NTRK3: variants seen among roughly 807,000 people sequenced by gnomAD.
NTRK3 encodes neurotrophic receptor tyrosine kinase 3.
NTRK3 carries 24 observed loss-of-function variants against 91.7 expected under a neutral mutation model. The observed-to-expected ratio is 0.26, with a 90% CI of 0.19 to 0.37. The LOEUF is 0.37. Among genes scored for constraint, NTRK3 ranks in the 10% least tolerant of loss-of-function variants. The pLI is 1.00. For missense variants in NTRK3, 880 were observed against 1,068.9 expected (o/e 0.82, Z 2.46); for synonymous variants, 483 against 404.0 (o/e 1.20, Z -2.34).
intron 13 of NTRK3, among the ~76,000 whole-genome samples, chr15:88,118,361 A>C (rs769333848): frequency 1.8e-4 from 28 of 152,308 alleles, no homozygotes; most frequent in South Asian, 8.3e-4. Flanking sequence ...AGAGAGAAAG[A>C]ATGTTCCATG....
At chr15:88,185,878 T>A (rs1455488984) in intron 3 of NTRK3, among the ~76,000 whole-genome samples, 1 of 152,134 alleles carries the variant, frequency 6.6e-6, no homozygotes, top group Non-Finnish European at 1.5e-5. Flanking sequence ...GAGAACCTGT[T>A]TTGTACCACA....
chr15:88,100,500 T>A (rs2050061001), intron 13 of NTRK3, among the ~76,000 whole-genome samples: 1 of 152,176 alleles, frequency 6.6e-6, no homozygotes, highest in African/African-American at 2.4e-5. Context: ...CTTCTGTGAA[T>A]TCAAGCAAGC....
At chr15:88,222,636 C>T (rs1029982490) in intron 3 of NTRK3, among the ~76,000 whole-genome samples, 2 of 152,154 alleles carry the variant, frequency 1.3e-5, no homozygotes, top group Admixed American at 6.5e-5. Flanking sequence ...CAAAGACTTG[C>T]CCAAGAAGTT....
chr15:88,153,456 T>C (rs1159236716), intron 5 of NTRK3, among the ~76,000 whole-genome samples: 1 of 152,086 alleles, frequency 6.6e-6, no homozygotes, highest in East Asian at 1.9e-4. Context: ...GGTTTCTCCA[T>C]GTTGGTCAGG....
chr15:88,071,935 T>A (rs1268961337), intron 13 of NTRK3, among the ~76,000 whole-genome samples: 1 of 151,886 alleles, frequency 6.6e-6, no homozygotes, highest in East Asian at 1.9e-4. Flanking sequence ...AGTAACACAG[T>A]CCATGGAGAA....
intron 14 of NTRK3, among the ~76,000 whole-genome samples, chr15:87,961,020 T>C (rs2072228307): frequency 1.3e-5 from 2 of 148,670 alleles, no homozygotes; most frequent in Admixed American, 1.4e-4. Flanking sequence ...TGCTTTTTCC[T>C]AGTCCTCATT....
intron 14 of NTRK3, among the ~76,000 whole-genome samples, chr15:88,011,955 AACAC>A (rs1450471086): frequency 6.6e-6 from 1 of 152,154 alleles, no homozygotes; most frequent in Non-Finnish European, 1.5e-5. Flanking sequence ...TACCTCATTT[AACAC>A]ACACGAAGAC....
At chr15:88,070,598 C>A (rs904020259) in intron 13 of NTRK3, among the ~76,000 whole-genome samples, 10 of 152,092 alleles carry the variant, frequency 6.6e-5, no homozygotes, top group African/African-American at 2.2e-4. Context: ...CTCCCATTCC[C>A]AGATCCACTC....
At chr15:87,978,905 G>A in intron 14 of NTRK3, 1 of 307,478 alleles carries the variant, frequency 3.3e-6, no homozygotes. Context: ...AGGACAGCAT[G>A]GTATCCTGGG....
chr15:88,206,762 C>T (rs1200196620), intron 3 of NTRK3, among the ~76,000 whole-genome samples: 1 of 151,978 alleles, frequency 6.6e-6, no homozygotes, highest in South Asian at 2.1e-4. Context: ...GGGGCCGGGT[C>T]TTTCCTGGCT....
chr15:87,895,881 C>T (rs1160972391), intron 17 of NTRK3, among the ~76,000 whole-genome samples: 5 of 151,474 alleles, frequency 3.3e-5, no homozygotes, highest in Non-Finnish European at 7.4e-5. Flanking sequence ...TTAACCTGAA[C>T]ATTCCTTCCC....
intron 17 of NTRK3, among the ~76,000 whole-genome samples, chr15:87,894,728 G>T (rs200296463): frequency 6.6e-6 from 1 of 152,084 alleles, no homozygotes; most frequent in Non-Finnish European, 1.5e-5. Flanking sequence ...TGTCTCAATA[G>T]TTCCTTCCCC....
chr15:88,131,827 C>G (rs764241194), intron 10 of NTRK3: 19 of 181,370 alleles, frequency 1.0e-4, no homozygotes, highest in Admixed American at 4.4e-4. Flanking sequence ...TGACTCCTCT[C>G]TAACCTGTGG....
At chr15:88,181,582 G>T (rs148693588) in intron 5 of NTRK3, among the ~76,000 whole-genome samples, 4 of 152,156 alleles carry the variant, frequency 2.6e-5, no homozygotes, top group Admixed American at 1.3e-4. Context: ...GGTTTGTCTC[G>T]CATCAACAGC....
intron 13 of NTRK3, among the ~76,000 whole-genome samples, chr15:88,033,635 C>T (rs983036199): frequency 2.0e-5 from 3 of 151,934 alleles, no homozygotes; most frequent in African/African-American, 7.3e-5. Flanking sequence ...TAGCAAAATC[C>T]ACTGGAAGCG....
intron 5 of NTRK3, among the ~76,000 whole-genome samples, chr15:88,156,441 C>T (rs1469236710): frequency 6.6e-6 from 1 of 152,170 alleles, no homozygotes; most frequent in Non-Finnish European, 1.5e-5. Context: ...CATATATTCT[C>T]TCACTACCCA....
chr15:88,192,034 G>A (rs546161843), intron 3 of NTRK3, among the ~76,000 whole-genome samples: 14 of 152,354 alleles, frequency 9.2e-5, no homozygotes, highest in African/African-American at 3.4e-4. Flanking sequence ...AACCAGCCCC[G>A]CATCTGGGGC....
chr15:88,183,162 A>G (rs2046658904), intron 5 of NTRK3, among the ~76,000 whole-genome samples: 1 of 152,156 alleles, frequency 6.6e-6, no homozygotes, highest in Admixed American at 6.5e-5. Context: ...ATGAAAGTGA[A>G]CACACTTGGG....
At chr15:87,918,314 T>C (rs1422417933) in intron 17 of NTRK3, among the ~76,000 whole-genome samples, 1 of 152,228 alleles carries the variant, frequency 6.6e-6, no homozygotes, top group Non-Finnish European at 1.5e-5. Context: ...TGACTGTCCA[T>C]TGACTACCTA....
Sources: gnomAD v4.1 joint callset for allele counts (sites outside exome capture counted in the v4.1 genomes callset) on GRCh38, gnomAD v4.1.1 for gene constraint, MANE v1.5 for transcripts, NCBI Gene and HGNC (gene_info 2026-07-23, HGNC 2026-07-21) for gene names.